The following KIF6 variants were observed in gnomAD, a reference collection of about 807,000 sequenced individuals.
The protein encoded by KIF6 is kinesin-like protein KIF6.
A neutral mutation model predicts 112.7 loss-of-function variants in KIF6; 106 were observed. That is an observed-to-expected ratio of 0.94 (90% CI 0.80 to 1.11). KIF6 has a LOEUF of 1.11. Among genes scored for constraint, KIF6 ranks in the 50% least tolerant of loss-of-function variants. The probability of loss-of-function intolerance (pLI) is 0.00; values close to 1 mark genes in which losing one functional copy is unlikely to be tolerated. For synonymous variants in KIF6, 339 were observed against 339.9 expected (o/e 1.00, Z 0.03); for missense variants, 929 against 964.0 (o/e 0.96, Z 0.48).
In KIF6 at chr6:39,331,310, G is replaced by T. The variant is rs1347308653; in HGVS notation, c.*5222C>A. On this transcript the variant is annotated 3_prime_UTR_variant, in exon 23 of 23. Coordinates refer to ENST00000287152, the MANE Select transcript of KIF6 (RefSeq NM_145027.6). ...GCCTCCCGAGTAGCTGAGACTACAGGCGCTTGCTACCATGCCCAGCTAACC... is the reference window on the plus strand; with the variant it reads ...GCCTCCCGAGTAGCTGAGACTACAGTCGCTTGCTACCATGCCCAGCTAACC... 6.6e-6 allele frequency: 1 copy of T among 151,920 alleles called. No individual in the cohort carries two copies. Among genetic ancestry groups the T allele is most frequent in the Non-Finnish European group, 1.5e-5 (1 of 68,076 alleles). The allele number at this position is 151,920 out of a possible 1,614,324, so 9.4% of individuals were successfully genotyped here.
chr6:39,719,044 T>TA (rs1274546779), intron 2 of KIF6, among the ~76,000 whole-genome samples: 2 of 152,088 alleles, frequency 1.3e-5, no homozygotes, highest in Non-Finnish European at 2.9e-5. Flanking sequence ...AAAGGCCAGA[T>TA]ACGGTGGCTC....
intron 10 of KIF6, 45 bp downstream of exon 10, chr6:39,578,011 A>G (rs1231454439): frequency 3.1e-6 from 4 of 1,310,422 alleles, no homozygotes; most frequent in Non-Finnish European, 4.4e-6. Context: ...AGTTAACACA[A>G]ACTTTCACTG....
intron 7 of KIF6, among the ~76,000 whole-genome samples, chr6:39,595,568 A>G (rs1264898381): frequency 6.6e-6 from 1 of 152,250 alleles, no homozygotes; most frequent in Non-Finnish European, 1.5e-5. Flanking sequence ...ACCCATCAAG[A>G]GATGAATGTA....
intron 13 of KIF6, among the ~76,000 whole-genome samples, chr6:39,469,815 T>G (rs1774012997): frequency 6.6e-6 from 1 of 152,100 alleles, no homozygotes; most frequent in African/African-American, 2.4e-5. Context: ...TAAAGGAAAC[T>G]AACATAATCA....
At chr6:39,701,271 C>A (rs1477214112) in intron 3 of KIF6, among the ~76,000 whole-genome samples, 1 of 152,192 alleles carries the variant, frequency 6.6e-6, no homozygotes, top group Non-Finnish European at 1.5e-5. Context: ...TGGTCCAGCC[C>A]CCACGGGAAG....
chr6:39,580,585 T>C (rs966714993), intron 9 of KIF6, among the ~76,000 whole-genome samples: 4 of 152,194 alleles, frequency 2.6e-5, no homozygotes, highest in African/African-American at 9.6e-5. Flanking sequence ...CAAAGTATGG[T>C]TGAATGTTTA....
chr6:39,491,622 G>A (rs759938516), intron 13 of KIF6, among the ~76,000 whole-genome samples: 42 of 152,202 alleles, frequency 2.8e-4, no homozygotes, highest in Non-Finnish European at 4.9e-4. Flanking sequence ...TTGGGACCAG[G>A]CAGCAGTAAG....
chr6:39,430,774 A>G (rs1440167054), intron 14 of KIF6, among the ~76,000 whole-genome samples: 1 of 152,214 alleles, frequency 6.6e-6, no homozygotes, highest in African/African-American at 2.4e-5. Context: ...CAGGCTGATG[A>G]GAATGAATGT....
intron 9 of KIF6, among the ~76,000 whole-genome samples, chr6:39,578,910 C>T (rs764545844): frequency 7.2e-5 from 11 of 152,118 alleles, no homozygotes; most frequent in Non-Finnish European, 1.3e-4. Context: ...ATTTACATTG[C>T]TTCATGTGGC....
At chr6:39,514,692 T>G (rs1776965786) in intron 13 of KIF6, among the ~76,000 whole-genome samples, 2 of 152,248 alleles carry the variant, frequency 1.3e-5, no homozygotes, top group Non-Finnish European at 2.9e-5. Flanking sequence ...AAAAAAGATG[T>G]AATGACATCT....
At chr6:39,590,327 T>C (rs1328630288) in intron 7 of KIF6, among the ~76,000 whole-genome samples, 2 of 151,866 alleles carry the variant, frequency 1.3e-5, no homozygotes, top group Non-Finnish European at 2.9e-5. Flanking sequence ...AATATTGATG[T>C]CTTTTCATTC....
intron 7 of KIF6, among the ~76,000 whole-genome samples, chr6:39,589,383 C>A (rs115327705): frequency 6.6e-6 from 1 of 152,058 alleles, no homozygotes; most frequent in African/African-American, 2.4e-5. Flanking sequence ...TATCTGCTTC[C>A]CCTCTAGGCT....
intron 15 of KIF6, among the ~76,000 whole-genome samples, chr6:39,408,350 T>C (rs1769232005): frequency 6.6e-6 from 1 of 152,082 alleles, no homozygotes; most frequent in African/African-American, 2.4e-5. Context: ...ATACTGTTGC[T>C]CCCCCTAATT....
At chr6:39,418,176 A>G (rs1314155633) in intron 15 of KIF6, among the ~76,000 whole-genome samples, 5 of 152,150 alleles carry the variant, frequency 3.3e-5, no homozygotes, top group African/African-American at 1.2e-4. Flanking sequence ...GATGGACATA[A>G]TCTTCAGAAA....
At chr6:39,411,577 G>A (rs1196388790) in intron 15 of KIF6, among the ~76,000 whole-genome samples, 1 of 152,188 alleles carries the variant, frequency 6.6e-6, no homozygotes, top group African/African-American at 2.4e-5. Flanking sequence ...TACTGTGTCT[G>A]GTGAAAGAGG....
chr6:39,486,389 G>T (rs1043677973), intron 13 of KIF6, among the ~76,000 whole-genome samples: 5 of 152,158 alleles, frequency 3.3e-5, no homozygotes, highest in African/African-American at 1.2e-4. Flanking sequence ...TCATGTGGAT[G>T]GGCCATCTGG....
intron 10 of KIF6, among the ~76,000 whole-genome samples, chr6:39,546,750 C>T (rs1306168320): frequency 6.6e-6 from 1 of 150,872 alleles, no homozygotes; most frequent in African/African-American, 2.4e-5. Context: ...CACTTGAACC[C>T]AGGAGGCAGA....
At chr6:39,503,858 A>AAAAAAAGAAAAAAG (rs371493063) in intron 13 of KIF6, among the ~76,000 whole-genome samples, 1 of 150,576 alleles carries the variant, frequency 6.6e-6, no homozygotes, top group Non-Finnish European at 1.5e-5. Flanking sequence ...AGAAAAAAAA[A>AAAAAAAGAAAAAAG]AAAAAAGAAA....
rs929929362 is a variant in KIF6 at position 39,720,903 on chromosome 6, T to C, written c.67-92A>G. On this transcript the variant is annotated intron_variant, in intron 1 of 22. Coordinates refer to ENST00000287152, the MANE Select transcript of KIF6 (RefSeq NM_145027.6). ...ATTATGACTTGTAATGATATGAAAA[T>C]TATACTCTTAAGATTAAAAAGTCAT... The C allele has an allele frequency of 2.2e-5, 14 of 648,142 alleles. No homozygotes were observed. The African/African-American group carries it at 2.5e-4, about 12-fold the overall frequency. The allele number at this position is 648,142 out of a possible 1,614,324, so 40.1% of individuals were successfully genotyped here.
Sources: allele counts gnomAD v4.1 joint callset (sites outside exome capture counted in the v4.1 genomes callset), GRCh38; gene constraint gnomAD v4.1.1; transcripts MANE v1.5; gene names NCBI Gene and HGNC (gene_info 2026-07-23, HGNC 2026-07-21).